Variants in PRAG1 observed in about 807,000 individuals in gnomAD.
PRAG1 encodes the protein PEAK1 related, kinase-activating pseudokinase 1.
PRAG1 carries 110 observed loss-of-function variants against 95.6 expected under a neutral mutation model. The ratio of observed to expected loss-of-function variants is 1.15; its 90% CI spans 0.99 to 1.35. The LOEUF (loss-of-function observed/expected upper bound fraction) is 1.35. PRAG1 is among the 40% of genes most tolerant of loss of function. The pLI is 0.00. For synonymous variants in PRAG1, 1,052 were observed against 819.4 expected (o/e 1.28, Z -4.85); for missense variants, 2,554 against 1,864.7 (o/e 1.37, Z -6.81).
At position 8,360,935 on chromosome 8, in the gene PRAG1, G is replaced by A. The variant is rs532593302; in HGVS notation, c.2162+15312C>T. On this transcript the variant is annotated intron_variant, in intron 3 of 5. Coordinates refer to ENST00000615670, the MANE Select transcript of PRAG1 (RefSeq NM_001080826.3). ...TCTGCTGCCAGAATATTTTGACCTG[G>A]AGGATGTTCACATTCCCAAATTGCC... 1.1e-4 allele frequency among the ~76,000 whole-genome samples: 17 copies of A among 152,264 alleles called. No individual in the cohort carries two copies. In the South Asian group the frequency reaches 3.3e-3, roughly 30 times the overall value.
intron 5 of PRAG1, among the ~76,000 whole-genome samples, chr8:8,323,709 T>C (rs781027683): frequency 6.6e-5 from 10 of 152,104 alleles, no homozygotes; most frequent in Non-Finnish European, 1.0e-4. Flanking sequence ...TGATTGTAAG[T>C]TTCCTGAGGC....
At chr8:8,358,364 T>C (rs763022881) in intron 3 of PRAG1, among the ~76,000 whole-genome samples, 1 of 152,120 alleles carries the variant, frequency 6.6e-6, no homozygotes, top group African/African-American at 2.4e-5. Flanking sequence ...CTCTTAGGTT[T>C]TTATGGAGGC....
At chr8:8,373,213 T>C (rs566953175) in intron 3 of PRAG1, among the ~76,000 whole-genome samples, 2 of 152,226 alleles carry the variant, frequency 1.3e-5, no homozygotes, top group East Asian at 1.9e-4. Flanking sequence ...ACCTACTAGG[T>C]TGGAAGACTC....
Position 8,319,022 on chromosome 8 carries a change from T to G in PRAG1, c.3353A>C (p.Tyr1118Ser). ...AAGCAGGAAGCACACGCGCCGCTCG[T>G]ACGCCTCGGGCTCCGCCTGGTGGCT... ...AASHQAEPEA[Y>S]ERRVCFLLLQ... is the part of the protein sequence containing the mutation. Residue 1118 changes from tyrosine to serine, a missense_variant, in exon 6 of 6, where the codon TAC (tyrosine) becomes TCC (serine). Transcript: ENST00000615670. 1 of 1,613,344 alleles carries G rather than the reference T, an allele frequency of 6.2e-7. No individual in the cohort carries two copies. The highest frequency in any genetic ancestry group is 8.5e-7 in the Non-Finnish European group (1 of 1,179,806).
chr8:8,356,509 C>G (rs929314262), intron 3 of PRAG1, among the ~76,000 whole-genome samples: 1 of 152,072 alleles, frequency 6.6e-6, no homozygotes, highest in Admixed American at 6.6e-5. Flanking sequence ...CTGTGCCCAG[C>G]TAATTTTTTT....
intron 4 of PRAG1, among the ~76,000 whole-genome samples, chr8:8,338,032 C>A (rs535563463): frequency 6.6e-6 from 1 of 152,118 alleles, no homozygotes; most frequent in African/African-American, 2.4e-5. Flanking sequence ...CTCCTCACCC[C>A]CTACCTCCCC....
At chr8:8,335,047 C>G (rs1162360229) in intron 4 of PRAG1, among the ~76,000 whole-genome samples, 1 of 151,192 alleles carries the variant, frequency 6.6e-6, no homozygotes, top group South Asian at 2.1e-4. Context: ...GCCTGGGCAA[C>G]AGAGCAAGAC....
chr8:8,381,814 G>C lies in PRAG1; in HGVS notation c.-67C>G. On this transcript the variant is annotated 5_prime_UTR_variant, in exon 2 of 6. Coordinates refer to ENST00000615670, the MANE Select transcript of PRAG1 (RefSeq NM_001080826.3). The stretch of plus-strand genomic sequence containing the variant: ...CTGGTGCAGTTTTGTGGGATTCAGA[G>C]GTGGGTCACAGAGCGGCTTCCTAGA... 8 of 1,370,880 alleles carry C rather than the reference G, an allele frequency of 5.8e-6. No individual in the cohort carries two copies. Among genetic ancestry groups the C allele is most frequent in the South Asian group, 1.5e-5 (1 of 67,118 alleles). 84.9% of individuals were successfully genotyped at this position (1,370,880 alleles called of 1,614,324 possible).
Position 8,339,578 on chromosome 8 carries a change from A to G in PRAG1, c.2220T>C (p.Ser740=). The G allele has an allele frequency of 6.2e-7, 1 of 1,614,212 alleles. No homozygotes were observed. The highest frequency in any genetic ancestry group is 8.5e-7 in the Non-Finnish European group (1 of 1,180,020). ...TGAAGGATGGGCTGAGGCTTTCTGC[A>G]GAGCCCTGGCTCACTTTTTCCAAAT... ...SSDLEKVSQG[S]AESLSPSFRG... is the part of the protein sequence containing the mutation. The change falls in exon 4 of 6, where the codon TCT becomes TCC. Residue 740 remains serine (S), a synonymous_variant. Transcript: ENST00000615670.
rs1007279485 is a variant in PRAG1 at position 8,317,778 on chromosome 8, T to C, written c.*376A>G. On this transcript the variant is annotated 3_prime_UTR_variant, in exon 6 of 6. Transcript: ENST00000615670. Reference sequence around the variant, plus strand: ...AAAATTTTAATGGAATTTTCTTCTTTTTTTTTTTTCTTTAAATAACAATTT... The same window carrying C: ...AAAATTTTAATGGAATTTTCTTCTTCTTTTTTTTTCTTTAAATAACAATTT... The C allele has an allele frequency of 2.6e-5, 4 of 156,068 alleles. No homozygotes were observed. Among genetic ancestry groups the C allele is most frequent in the East Asian group, 1.8e-4 (1 of 5,490 alleles). 9.7% of individuals were successfully genotyped at this position (156,068 alleles called of 1,614,324 possible).
intron 5 of PRAG1, among the ~76,000 whole-genome samples, chr8:8,321,965 G>C (rs547711218): frequency 1.8e-4 from 28 of 152,242 alleles, no homozygotes; most frequent in Non-Finnish European, 2.9e-4. Flanking sequence ...TTTCATGTAT[G>C]CTTCTGTTTA....
chr8:8,380,852 CAAAA>C (rs71217290), intron 2 of PRAG1, among the ~76,000 whole-genome samples: 2 of 64,448 alleles, frequency 3.1e-5, no homozygotes, highest in African/African-American at 7.2e-5. Flanking sequence ...GACTCCATCT[CAAAA>C]AAAAAAAAAA....
intron 3 of PRAG1, among the ~76,000 whole-genome samples, chr8:8,348,586 C>A (rs534680936): frequency 6.6e-5 from 10 of 152,206 alleles, no homozygotes; most frequent in African/African-American, 2.4e-4. Flanking sequence ...TCCAAAGCAC[C>A]AAAGTGCTCC....
At position 8,328,042 on chromosome 8, in the gene PRAG1, C is replaced by T. The variant is rs956780982; in HGVS notation, c.2740G>A (p.Gly914Arg). The T allele has an allele frequency of 1.9e-6, 3 of 1,588,852 alleles. No homozygotes were observed. Among genetic ancestry groups the T allele is most frequent in the Non-Finnish European group, 2.6e-6 (3 of 1,167,016 alleles). The change falls in exon 5 of 6, where the codon GGG becomes AGG. Residue 914 changes from glycine to arginine, a missense_variant. Physicochemically the swap from Gly to Arg is moderately radical, Grantham distance 125. Transcript: ENST00000615670. ...GCGSPGLQCK[G>R]APSASSSQLS... ...TGGGAGGATGAGGCGGAGGGGGCCC[C>T]TTTGCACTGGAGGCCAGGGCTCCCG...
chr8:8,321,974 T>C (rs560708163), intron 5 of PRAG1, among the ~76,000 whole-genome samples: 2 of 152,214 alleles, frequency 1.3e-5, no homozygotes, highest in South Asian at 2.1e-4. Context: ...TGCTTCTGTT[T>C]AGAGATACCT....
intron 3 of PRAG1, among the ~76,000 whole-genome samples, chr8:8,341,839 T>C (rs555928804): frequency 1.3e-5 from 2 of 152,340 alleles, no homozygotes; most frequent in South Asian, 2.1e-4. Context: ...TAAAATAGAA[T>C]TATAAAATGA....
At chr8:8,381,362 A>G (rs2116948795) in intron 2 of PRAG1, 56 bp downstream of exon 2, 1 of 1,521,600 alleles carries the variant, frequency 6.6e-7, no homozygotes, top group South Asian at 1.3e-5. Flanking sequence ...CCAGTCACCA[A>G]GTGTTCAAAC....
At chr8:8,345,757 T>G (rs1326647414) in intron 3 of PRAG1, among the ~76,000 whole-genome samples, 4 of 152,168 alleles carry the variant, frequency 2.6e-5, no homozygotes, top group Non-Finnish European at 4.4e-5. Context: ...ATGGCACCAC[T>G]GCACTCCAGC....
At chr8:8,366,737 GGT>G (rs1800020810) in intron 3 of PRAG1, among the ~76,000 whole-genome samples, 1 of 151,892 alleles carries the variant, frequency 6.6e-6, no homozygotes, top group African/African-American at 2.4e-5. Context: ...GGAGTGCAGT[GGT>G]GTTACCATGG....
Sources: allele counts gnomAD v4.1 joint callset (sites outside exome capture counted in the v4.1 genomes callset), GRCh38; gene constraint gnomAD v4.1.1; transcripts MANE v1.5; gene names NCBI Gene and HGNC (gene_info 2026-07-23, HGNC 2026-07-21).